PPP1R21: variants seen among roughly 807,000 people sequenced by gnomAD.
PPP1R21 encodes KLRAQ motif containing 1.
A neutral mutation model predicts 112.8 loss-of-function variants in PPP1R21; 85 were observed. The observed-to-expected ratio is 0.75, with a 90% CI of 0.63 to 0.90. The LOEUF (loss-of-function observed/expected upper bound fraction) is 0.90. Among genes scored for constraint, PPP1R21 ranks in the 40% least tolerant of loss-of-function variants. The probability of loss-of-function intolerance (pLI) is 0.00; values close to 1 mark genes in which losing one functional copy is unlikely to be tolerated. For missense variants in PPP1R21, 1,199 were observed against 901.5 expected (o/e 1.33, Z -4.23); for synonymous variants, 381 against 322.3 (o/e 1.18, Z -1.95).
rs1668133272 is a variant in PPP1R21, at chr2:48,464,939, TA to T, written c.698del (p.Tyr233LeufsTer7). Reference protein sequence around the residue: ...NEKVPFNDTKYSQYNALNVPL... With the variant: ...NEKVPFNDTKXSQYNALNVPL... ...TGTACATTATTTTTCTTCTGTAGAA[TA>T]TAGTCAGTACAACGCTCTGAACGTT... is the stretch of plus-strand genomic sequence containing the variant. On this transcript the variant is annotated frameshift_variant, in exon 8 of 22. Transcript: ENST00000294952. LOFTEE classifies it high-confidence loss of function. The T allele has an allele frequency of 6.4e-7, 1 of 1,565,504 alleles. No individual in the cohort carries two copies. Among genetic ancestry groups the T allele is most frequent in the Non-Finnish European group, 8.6e-7 (1 of 1,164,482 alleles).
chr2:48,484,114 G>A (rs1411508316), intron 13 of PPP1R21, among the ~76,000 whole-genome samples: 3 of 152,118 alleles, frequency 2.0e-5, no homozygotes, highest in Non-Finnish European at 2.9e-5. Context: ...TTCAGAACAC[G>A]CATACTTTTT....
chr2:48,511,372 G>A lies in PPP1R21; in HGVS notation c.2217G>A (p.Glu739=), dbSNP rs538924623. 6.2e-7 allele frequency: 1 copy of A among 1,613,894 alleles called. No individual in the cohort carries two copies. Among genetic ancestry groups the A allele is most frequent in the Non-Finnish European group, 8.5e-7 (1 of 1,179,968 alleles). Residue 739 remains glutamate, a synonymous_variant, in exon 21 of 22, where the codon GAG becomes GAA. Coordinates refer to ENST00000294952, the MANE Select transcript of PPP1R21 (RefSeq NM_001135629.3). ...DELTTTKRSY[E]DQLSMMSDHL... is the part of the protein sequence containing the mutation. ...TGACAACTACCAAGAGGAGTTACGA[G>A]GATCAGTTAAGTATGATGAGTGACC...
At chr2:48,482,236 G>A (rs895959924) in intron 13 of PPP1R21, among the ~76,000 whole-genome samples, 2 of 152,204 alleles carry the variant, frequency 1.3e-5, no homozygotes, top group African/African-American at 4.8e-5. Flanking sequence ...TTGTAAAAGA[G>A]GAGTATATGT....
At chr2:48,463,763 A>C (rs1252789373) in intron 7 of PPP1R21, among the ~76,000 whole-genome samples, 2 of 152,010 alleles carry the variant, frequency 1.3e-5, no homozygotes, top group Non-Finnish European at 2.9e-5. Flanking sequence ...TGAGGGGGTC[A>C]GAAGCAGAAG....
At chr2:48,457,271 C>T (rs1027920852) in intron 3 of PPP1R21, among the ~76,000 whole-genome samples, 1 of 152,154 alleles carries the variant, frequency 6.6e-6, no homozygotes, top group African/African-American at 2.4e-5. Flanking sequence ...CCATATGCAC[C>T]TCTTGTTTTC....
chr2:48,501,376 G>A (rs753174223), intron 17 of PPP1R21, among the ~76,000 whole-genome samples: 2 of 152,106 alleles, frequency 1.3e-5, no homozygotes, highest in African/African-American at 4.8e-5. Context: ...ACCAGGGAGG[G>A]TGCTGCTGAC....
chr2:48,496,184 G>A (rs995479825), intron 16 of PPP1R21, among the ~76,000 whole-genome samples: 5 of 152,066 alleles, frequency 3.3e-5, no homozygotes, highest in African/African-American at 1.2e-4. Flanking sequence ...GTGGGTGGGA[G>A]TGGGAGGCAC....
intron 12 of PPP1R21, among the ~76,000 whole-genome samples, chr2:48,478,595 A>G (rs1668863240): frequency 6.6e-6 from 1 of 152,156 alleles, no homozygotes; most frequent in East Asian, 1.9e-4. Flanking sequence ...CAGAGAATCA[A>G]TTCAGTTTGG....
intron 13 of PPP1R21, among the ~76,000 whole-genome samples, chr2:48,481,770 G>A (rs1408389580): frequency 6.6e-6 from 1 of 152,074 alleles, no homozygotes; most frequent in Non-Finnish European, 1.5e-5. Context: ...TACAGGTTGA[G>A]CATTCTTAAT....
intron 2 of PPP1R21, among the ~76,000 whole-genome samples, chr2:48,452,619 C>T (rs916066176): frequency 2.6e-5 from 4 of 151,338 alleles, no homozygotes; most frequent in Non-Finnish European, 5.9e-5. Flanking sequence ...TGACAATTTG[C>T]CAGTTTGCTA....
chr2:48,477,338 C>G (rs376856998), intron 12 of PPP1R21, among the ~76,000 whole-genome samples: 1 of 152,080 alleles, frequency 6.6e-6, no homozygotes, highest in Non-Finnish European at 1.5e-5. Flanking sequence ...CCAGGCTGGT[C>G]TCGAACTCCT....
intron 15 of PPP1R21, among the ~76,000 whole-genome samples, chr2:48,492,519 C>T (rs2103945196): frequency 6.6e-6 from 1 of 152,254 alleles, no homozygotes; most frequent in African/African-American, 2.4e-5. Flanking sequence ...TTAGGTTTCC[C>T]TTAATTGGTA....
Position 48,454,222 on chromosome 2 carries a change from C to T in PPP1R21, c.127-373C>T, listed in dbSNP as rs561472091. On this transcript the variant is annotated intron_variant, in intron 2 of 21. Transcript: ENST00000294952. ...GTTGCAGTGAGCTGAGATTGTGCCA[C>T]TGCACTCCAGCCTGGGCAATAGAGC... is the stretch of plus-strand genomic sequence containing the variant. Among the ~76,000 whole-genome samples, 77 of 152,156 alleles carry T rather than the reference C, an allele frequency of 5.1e-4. 1 individual carries two copies. In the South Asian group the frequency reaches 0.014, roughly 28 times the overall value.
chr2:48,463,051 T>A (rs1042471965), intron 7 of PPP1R21, among the ~76,000 whole-genome samples: 1 of 152,212 alleles, frequency 6.6e-6, no homozygotes. Context: ...GTTAACTTTG[T>A]TGTTGTTTAA....
chr2:48,511,512 T>TGC, intron 21 of PPP1R21, 44 bp downstream of exon 21: 1 of 1,591,556 alleles, frequency 6.3e-7, no homozygotes, highest in Non-Finnish European at 8.5e-7. Flanking sequence ...ATATAATATT[T>TGC]AATGTGAGGT....
chr2:48,445,134 GC>G (rs1275132374), intron 1 of PPP1R21, among the ~76,000 whole-genome samples: 8 of 131,838 alleles, frequency 6.1e-5, no homozygotes, highest in African/African-American at 1.7e-4. Context: ...TTGAATATGA[GC>G]TTTTTTTTTT....
intron 19 of PPP1R21, 108 bp from the exon 20 acceptor site, chr2:48,509,907 T>C (rs1018711851): frequency 9.3e-6 from 6 of 646,770 alleles, no homozygotes; most frequent in Middle Eastern, 2.6e-4. Flanking sequence ...ATTTGTGGAA[T>C]GAATGAGTAG....
At chr2:48,479,378 T>TA in intron 12 of PPP1R21, 1 of 432,886 alleles carries the variant, frequency 2.3e-6, no homozygotes, top group Non-Finnish European at 4.8e-6. Context: ...CTCTCACTGT[T>TA]ATTACTGAGT....
chr2:48,472,470 A>G (rs1668561986), intron 11 of PPP1R21, among the ~76,000 whole-genome samples: 2 of 150,908 alleles, frequency 1.3e-5, no homozygotes, highest in South Asian at 4.2e-4. Context: ...TACTAAAAAT[A>G]CAAAAATTAG....
Sources: allele counts gnomAD v4.1 joint callset (sites outside exome capture counted in the v4.1 genomes callset), GRCh38; gene constraint gnomAD v4.1.1; transcripts MANE v1.5; gene names NCBI Gene and HGNC (gene_info 2026-07-23, HGNC 2026-07-21).